The following TMEM74 variants were observed in gnomAD, a reference collection of about 807,000 sequenced individuals.
The protein encoded by TMEM74 is transmembrane protein 74.
Under a neutral mutation model 18.1 loss-of-function variants are expected in TMEM74, and 13 were observed. The observed-to-expected ratio is 0.72, with a 90% CI of 0.47 to 1.14. The LOEUF is 1.14. Among genes scored for constraint, TMEM74 ranks in the 50% most tolerant of loss-of-function variants. The pLI is 0.00. For missense variants in TMEM74, 372 were observed against 375.9 expected (o/e 0.99, Z 0.09); for synonymous variants, 159 against 146.6 (o/e 1.08, Z -0.61).
At chr8:108,613,110 C>T (rs911992617) in intron 2 of TMEM74, among the ~76,000 whole-genome samples, 59 of 152,174 alleles carry the variant, frequency 3.9e-4, no homozygotes, top group African/African-American at 1.4e-3. Context: ...ACAATTTGTA[C>T]AATTTCCCTT....
At position 108,782,060 on chromosome 8, in the gene TMEM74, A is replaced by T. The variant is rs965394299; in HGVS notation, c.*2121T>A. Among the ~76,000 whole-genome samples the T allele has an allele frequency of 6.6e-6, 1 of 152,162 alleles. No homozygotes were observed. Among genetic ancestry groups the T allele is most frequent in the African/African-American group, 2.4e-5 (1 of 41,448 alleles). On this transcript the variant is annotated 3_prime_UTR_variant, in exon 2 of 2. Transcript: ENST00000297459. The stretch of plus-strand genomic sequence containing the variant: ...CATTTAGCTTCTATGAATAAACATT[A>T]GTTTTTTCTTTAATGCCTTCTTTTT...
intron 1 of TMEM74, among the ~76,000 whole-genome samples, chr8:108,768,110 A>G (rs555924005): frequency 6.6e-6 from 1 of 152,128 alleles, no homozygotes; most frequent in Non-Finnish European, 1.5e-5. Context: ...CCATACTTCC[A>G]CTGACCATTA....
chr8:108,744,186 G>C (rs1319743143), intron 1 of TMEM74, among the ~76,000 whole-genome samples: 18 of 152,108 alleles, frequency 1.2e-4, no homozygotes, highest in Admixed American at 1.2e-3. Flanking sequence ...GTGTCGATCT[G>C]ACGTCACTTC....
intron 2 of TMEM74, among the ~76,000 whole-genome samples, chr8:108,647,038 A>G (rs775917507): frequency 6.6e-6 from 1 of 152,088 alleles, no homozygotes; most frequent in Non-Finnish European, 1.5e-5. Context: ...CTTGTAACTC[A>G]CCATCTCCTT....
intron 2 of TMEM74, among the ~76,000 whole-genome samples, chr8:108,621,960 A>G (rs1380813561): frequency 6.6e-6 from 1 of 152,142 alleles, no homozygotes; most frequent in African/African-American, 2.4e-5. Context: ...TTTAAAATTT[A>G]CATATGTAGA....
downstream of TMEM74, among the ~76,000 whole-genome samples, chr8:108,778,508 C>G (rs1563549410): frequency 6.6e-6 from 1 of 152,150 alleles, no homozygotes; most frequent in African/African-American, 2.4e-5. Context: ...TAGAAAAAAA[C>G]AGATATCGAA....
intron 2 of TMEM74, among the ~76,000 whole-genome samples, chr8:108,644,122 C>A (rs758687575): frequency 6.6e-6 from 1 of 152,052 alleles, no homozygotes; most frequent in South Asian, 2.1e-4. Flanking sequence ...CTACAGTAAC[C>A]GAAACAGTAC....
intron 2 of TMEM74, among the ~76,000 whole-genome samples, chr8:108,616,316 CAAAT>C (rs1234478026): frequency 6.6e-6 from 1 of 152,096 alleles, no homozygotes; most frequent in East Asian, 1.9e-4. Flanking sequence ...TCAAAGTAAA[CAAAT>C]AAAGAACAGT....
chr8:108,657,885 T>TTA (rs1279532760), intron 1 of TMEM74, among the ~76,000 whole-genome samples: 1 of 114,146 alleles, frequency 8.8e-6, no homozygotes, highest in African/African-American at 3.6e-5. Context: ...TATATATATA[T>TTA]ATATATATAT....
intron 1 of TMEM74, among the ~76,000 whole-genome samples, chr8:108,708,235 C>T (rs974316500): frequency 6.7e-6 from 1 of 149,792 alleles, no homozygotes; most frequent in Non-Finnish European, 1.5e-5. Context: ...AATAGTATTC[C>T]ATGGTGTATA....
chr8:108,738,198 T>A (rs752818026), intron 1 of TMEM74, among the ~76,000 whole-genome samples: 17 of 152,204 alleles, frequency 1.1e-4, no homozygotes, highest in Non-Finnish European at 1.9e-4. Flanking sequence ...TTTATTGATG[T>A]ATCCAGTCCC....
chr8:108,639,053 T>C (rs907857968), intron 2 of TMEM74, among the ~76,000 whole-genome samples: 1 of 152,070 alleles, frequency 6.6e-6, no homozygotes, highest in Non-Finnish European at 1.5e-5. Flanking sequence ...AGCCAAGATA[T>C]CCCAAGCAAG....
Position 108,628,980 on chromosome 8 carries a change from T to G in TMEM74, n.265-20154A>C, listed in dbSNP as rs928280581. ...ATCCTTTGCCCACTTTTTAATGGTG[T>G]TGTTTGTTTTTTTCTTGTAAGTTTG... is the stretch of plus-strand genomic sequence containing the variant. On this transcript the variant is annotated intron_variant and non_coding_transcript_variant, in intron 2 of 3. Coordinates refer to the TMEM74 transcript ENST00000518838. Among the ~76,000 whole-genome samples, 4 of 152,188 alleles carry G rather than the reference T, an allele frequency of 2.6e-5. No individual in the cohort carries two copies. The East Asian group carries it at 7.8e-4, about 30-fold the overall frequency.
At chr8:108,616,355 G>T (rs889723237) in intron 2 of TMEM74, among the ~76,000 whole-genome samples, 5 of 152,150 alleles carry the variant, frequency 3.3e-5, no homozygotes, top group Non-Finnish European at 7.3e-5. Flanking sequence ...TCCATAAGAT[G>T]ACATTAAATC....
intron 2 of TMEM74, among the ~76,000 whole-genome samples, chr8:108,654,532 C>G (rs1216871134): frequency 6.6e-6 from 1 of 152,030 alleles, no homozygotes; most frequent in Non-Finnish European, 1.5e-5. Context: ...TTTTCTCCAC[C>G]CTGACCCATG....
At chr8:108,726,522 A>C (rs1310043664) in intron 1 of TMEM74, among the ~76,000 whole-genome samples, 1 of 152,214 alleles carries the variant, frequency 6.6e-6, no homozygotes, top group Non-Finnish European at 1.5e-5. Flanking sequence ...AGACGTTAAT[A>C]GGTACGGTGT....
At chr8:108,711,549 G>A (rs1039444242) in intron 1 of TMEM74, among the ~76,000 whole-genome samples, 1 of 152,222 alleles carries the variant, frequency 6.6e-6, no homozygotes, top group African/African-American at 2.4e-5. Context: ...AGGCAGAAGA[G>A]CCATAATATT....
intron 2 of TMEM74, among the ~76,000 whole-genome samples, chr8:108,625,617 T>C (rs1228129598): frequency 6.6e-6 from 1 of 152,040 alleles, no homozygotes; most frequent in African/African-American, 2.4e-5. Context: ...AGATAAGGTA[T>C]AGCAGTCAAA....
chr8:108,638,060 A>G (rs1466120162), intron 2 of TMEM74, among the ~76,000 whole-genome samples: 1 of 152,134 alleles, frequency 6.6e-6, no homozygotes, highest in Non-Finnish European at 1.5e-5. Flanking sequence ...TGCTGACTGC[A>G]CTTCTACGTG....
Sources: allele counts gnomAD v4.1 joint callset (sites outside exome capture counted in the v4.1 genomes callset), GRCh38; gene constraint gnomAD v4.1.1; transcripts MANE v1.5; gene names NCBI Gene and HGNC (gene_info 2026-07-23, HGNC 2026-07-21).